CATSPERE: variants seen among roughly 807,000 people sequenced by gnomAD.
The protein encoded by CATSPERE is cation channel sperm-associated auxiliary subunit epsilon.
A neutral mutation model predicts 114.1 loss-of-function variants in CATSPERE; 93 were observed. That is an observed-to-expected ratio of 0.81 (90% CI 0.69 to 0.97). CATSPERE has a LOEUF of 0.97. CATSPERE is among the 50% of genes least tolerant of loss of function. The pLI is 0.00. For missense variants in CATSPERE, 1,058 were observed against 1,131.6 expected (o/e 0.93, Z 0.93); for synonymous variants, 341 against 384.1 (o/e 0.89, Z 1.31).
intron 8 of CATSPERE, among the ~76,000 whole-genome samples, chr1:244,533,538 A>G (rs1232692069): frequency 6.6e-6 from 1 of 151,850 alleles, no homozygotes; most frequent in African/African-American, 2.4e-5. Flanking sequence ...GTTGTATGTT[A>G]TTTAAGACTA....
intron 7 of CATSPERE, among the ~76,000 whole-genome samples, chr1:244,513,813 G>A (rs1038972704): frequency 2.6e-5 from 4 of 152,158 alleles, no homozygotes; most frequent in African/African-American, 4.8e-5. Context: ...CATGCAGGCC[G>A]CACTGGTGGA....
rs1044476568 is a variant in CATSPERE at position 244,633,858 on chromosome 1, A to G, written c.2649-1631A>G. On this transcript the variant is annotated intron_variant, in intron 20 of 21. Transcript: ENST00000366534. This position sits in a 1 kb window ranked among gnomAD's most constrained non-coding sequence, Gnocchi z 4.1. Reference sequence around the variant, plus strand: ...GAAAATTCCTGTGACAGGTGTCTACATCACTCATTTTTTTTTTTTTTTTTG... The same window carrying G: ...GAAAATTCCTGTGACAGGTGTCTACGTCACTCATTTTTTTTTTTTTTTTTG... Among the ~76,000 whole-genome samples, 1 of 148,134 alleles carries G rather than the reference A, an allele frequency of 6.8e-6. No individual in the cohort carries two copies. The highest frequency in any genetic ancestry group is 2.5e-5 in the African/African-American group (1 of 40,262).
chr1:244,635,424 A>G, intron 20 of CATSPERE, 65 bp from the exon 21 acceptor site: 1 of 1,186,680 alleles, frequency 8.4e-7, no homozygotes, highest in South Asian at 1.3e-5. Context: ...CCATAGGGAC[A>G]TGGAGAGCGT....
At chr1:244,570,714 T>C (rs1316856394) in intron 10 of CATSPERE, among the ~76,000 whole-genome samples, 1 of 152,216 alleles carries the variant, frequency 6.6e-6, no homozygotes, top group Non-Finnish European at 1.5e-5. Flanking sequence ...AAGCAAATAT[T>C]GGGAACATCA....
intron 7 of CATSPERE, among the ~76,000 whole-genome samples, chr1:244,501,651 G>C (rs1186249378): frequency 6.6e-6 from 1 of 152,160 alleles, no homozygotes; most frequent in Non-Finnish European, 1.5e-5. Flanking sequence ...CTTTAAGTAT[G>C]ATATTGACTT....
chr1:244,506,187 G>T (rs1030731191), intron 7 of CATSPERE, among the ~76,000 whole-genome samples: 1 of 151,992 alleles, frequency 6.6e-6, no homozygotes, highest in Non-Finnish European at 1.5e-5. Context: ...TGTCTTCAAG[G>T]TTCACCCATG....
rs1674465596 is a variant in CATSPERE, at chr1:244,504,026, A to G, written c.429+4947A>G. 6.6e-6 allele frequency among the ~76,000 whole-genome samples: 1 copy of G among 151,674 alleles called. No homozygotes were observed. Among genetic ancestry groups the G allele is most frequent in the African/African-American group, 2.4e-5 (1 of 41,230 alleles). On this transcript the variant is annotated intron_variant, in intron 7 of 21. Transcript: ENST00000366534. This position sits in a 1 kb window ranked among gnomAD's most constrained non-coding sequence, Gnocchi z 4.1. ...ATGCTTATTTTTTTCCTTTTTTTCT[A>G]AAGTTTTATTTTTGACTCTGTGTAT...
chr1:244,614,228 C>G (rs145437682), intron 19 of CATSPERE, among the ~76,000 whole-genome samples: 3,738 of 152,346 alleles, frequency 0.025, 70 homozygotes, highest in Admixed American at 0.05. Flanking sequence ...GTCGCTCAAG[C>G]TGTGTTCCTA....
At chr1:244,584,540 A>ATATTATATTATATTATATGATATTATAT (rs548449574) in intron 13 of CATSPERE, among the ~76,000 whole-genome samples, 1 of 118,858 alleles carries the variant, frequency 8.4e-6, no homozygotes, top group African/African-American at 3.1e-5. Flanking sequence ...TTACTATATT[A>ATATTATATTATATTATATGATATTATAT]TATATTATAT....
intron 5 of CATSPERE, among the ~76,000 whole-genome samples, chr1:244,480,638 T>TTACTAAAGACATGA (rs1242741766): frequency 6.6e-6 from 1 of 151,500 alleles, no homozygotes; most frequent in East Asian, 2.0e-4. Context: ...GCATGGTTGT[T>TTACTAAAGACATGA]GCTGATAGTT....
chr1:244,486,150 T>G (rs1670978044), intron 5 of CATSPERE, among the ~76,000 whole-genome samples: 1 of 152,260 alleles, frequency 6.6e-6, no homozygotes, highest in Non-Finnish European at 1.5e-5. Flanking sequence ...GGGGAAATAC[T>G]GTTAAAGATA....
chr1:244,639,285 A>G (rs1340491051), intron 21 of CATSPERE, among the ~76,000 whole-genome samples: 1 of 152,110 alleles, frequency 6.6e-6, no homozygotes, highest in Non-Finnish European at 1.5e-5. Context: ...ATTTTTATCT[A>G]GCTAACTCCT....
intron 5 of CATSPERE, among the ~76,000 whole-genome samples, chr1:244,489,449 G>GTTTT (rs1671590263): frequency 1.1e-5 from 1 of 87,348 alleles, no homozygotes; most frequent in Non-Finnish European, 2.1e-5. Context: ...GAAGCATGCA[G>GTTTT]ATTTTTTTTT....
intron 19 of CATSPERE, 53 bp from the exon 20 acceptor site, chr1:244,617,476 C>A (rs778659517): frequency 3.0e-6 from 4 of 1,311,748 alleles, no homozygotes; most frequent in African/African-American, 1.5e-5. Flanking sequence ...TATAATTTTG[C>A]GTATCAAAGT....
Position 244,520,958 on chromosome 1 carries a change from G to A in CATSPERE, c.536+2260G>A, listed in dbSNP as rs6675806. On this transcript the variant is annotated intron_variant, in intron 8 of 21. Transcript: ENST00000366534. ...CCTAAACAGTGAGATGAAGTTATTAGCATACTGAAATTCAGGCAAGAGCTA... is the reference window on the plus strand; with the variant it reads ...CCTAAACAGTGAGATGAAGTTATTAACATACTGAAATTCAGGCAAGAGCTA... Among the ~76,000 whole-genome samples, 1,117 of 152,318 alleles carry A rather than the reference G, an allele frequency of 7.3e-3. 13 individuals are homozygous for A. Among genetic ancestry groups the A allele is most frequent in the African/African-American group, 0.025 (1,042 of 41,562 alleles).
At position 244,560,745 on chromosome 1, in the gene CATSPERE, C is replaced by T; in HGVS notation, c.1107C>T (p.Ala369=). 1 of 1,613,846 alleles carries T rather than the reference C, an allele frequency of 6.2e-7. No individual in the cohort carries two copies. The highest frequency in any genetic ancestry group is 2.2e-5 in the East Asian group (1 of 44,856). ...TCGGATCCATTCTTCTTAAGTTTGC[C>T]AGATTAGTAACTACCACAGAACTGA... is the stretch of plus-strand genomic sequence containing the variant. ...IYLGSILLKF[A]RLVTTTELKN... is the part of the protein sequence containing the mutation. Residue 369 remains alanine (A), a synonymous_variant, in exon 10 of 22, where the codon GCC becomes GCT. Coordinates refer to ENST00000366534, the MANE Select transcript of CATSPERE (RefSeq NM_001130957.2).
chr1:244,510,725 AT>A (rs1442707097), intron 7 of CATSPERE, among the ~76,000 whole-genome samples: 1 of 144,910 alleles, frequency 6.9e-6, no homozygotes, highest in Non-Finnish European at 1.5e-5. Context: ...CCCAGCTATT[AT>A]TTTTATGGAG....
intron 15 of CATSPERE, among the ~76,000 whole-genome samples, chr1:244,592,164 C>T (rs894021954): frequency 9.9e-5 from 15 of 152,244 alleles, no homozygotes; most frequent in South Asian, 2.1e-4. Context: ...GCCTGGCCAA[C>T]GTGGCGAAAC....
At position 244,504,590 on chromosome 1, in the gene CATSPERE, C is replaced by G. The variant is rs1359762604; in HGVS notation, c.429+5511C>G. Among the ~76,000 whole-genome samples, 1 of 152,150 alleles carries G rather than the reference C, an allele frequency of 6.6e-6. No homozygotes were observed. The highest frequency in any genetic ancestry group is 1.5e-5 in the Non-Finnish European group (1 of 68,034). ...TTAATTGTGACAGTTTCTAGACTTT[C>G]ATGGCTTTTGATGCCCTTGGAAATG... On this transcript the variant is annotated intron_variant, in intron 7 of 21. Transcript: ENST00000366534. This position sits in a 1 kb window ranked among gnomAD's most constrained non-coding sequence, Gnocchi z 4.1.
Sources: gnomAD v4.1 joint callset for allele counts (sites outside exome capture counted in the v4.1 genomes callset) on GRCh38, gnomAD v4.1.1 for gene constraint, Gnocchi (gnomAD v3.1) non-coding constraint, MANE v1.5 for transcripts, NCBI Gene and HGNC (gene_info 2026-07-23, HGNC 2026-07-21) for gene names.